Variants in INPP4B observed in about 807,000 individuals in gnomAD.
INPP4B encodes the protein inositol polyphosphate-4-phosphatase type II B.
INPP4B carries 55 observed loss-of-function variants against 122.5 expected under a neutral mutation model. The observed-to-expected ratio is 0.45, with a 90% CI of 0.36 to 0.56. The LOEUF (loss-of-function observed/expected upper bound fraction) is 0.56, where lower values mean the gene tolerates loss of function less well. Ranked by LOEUF, INPP4B falls within the 20% of genes least tolerant of loss-of-function variation. The probability of loss-of-function intolerance (pLI) is 0.00; values close to 1 mark genes in which losing one functional copy is unlikely to be tolerated. For missense variants in INPP4B, 1,000 were observed against 1,097.7 expected (o/e 0.91, Z 1.26); for synonymous variants, 403 against 388.7 (o/e 1.04, Z -0.43).
At chr4:142,266,349 T>C (rs1158468064) in intron 10 of INPP4B, among the ~76,000 whole-genome samples, 2 of 152,028 alleles carry the variant, frequency 1.3e-5, no homozygotes, top group African/African-American at 4.8e-5. Flanking sequence ...AAAATATTTT[T>C]ATAATGTGGG....
At chr4:142,507,154 C>A (rs1354532081) in intron 2 of INPP4B, among the ~76,000 whole-genome samples, 1 of 152,132 alleles carries the variant, frequency 6.6e-6, no homozygotes, top group Admixed American at 6.5e-5. Context: ...GCCCATTGAT[C>A]ATACAGTATT....
intron 2 of INPP4B, among the ~76,000 whole-genome samples, chr4:142,493,245 T>TCTGCTAGGGCATGGAGAACCC (rs1822105921): frequency 6.6e-6 from 1 of 152,190 alleles, no homozygotes; most frequent in Admixed American, 6.5e-5. Flanking sequence ...ATGGAGAACC[T>TCTGCTAGGGCATGGAGAACCC]CTGCTAGGGC....
chr4:142,143,247 A>G (rs1808783950), intron 18 of INPP4B, among the ~76,000 whole-genome samples: 1 of 152,102 alleles, frequency 6.6e-6, no homozygotes, highest in East Asian at 1.9e-4. Context: ...AGACAACTGT[A>G]TGTTCTTCAA....
At chr4:142,222,935 T>C (rs76430918) in intron 12 of INPP4B, among the ~76,000 whole-genome samples, 5,229 of 152,328 alleles carry the variant, frequency 0.034, 294 homozygotes, top group African/African-American at 0.12. Flanking sequence ...TTTTACCATG[T>C]ATATGGTTCT....
intron 3 of INPP4B, among the ~76,000 whole-genome samples, chr4:142,448,259 C>A (rs146972494): frequency 6.7e-6 from 1 of 149,422 alleles, no homozygotes; most frequent in South Asian, 2.1e-4. Flanking sequence ...ACACCTATGG[C>A]CCTTGTTTTG....
Position 142,389,251 on chromosome 4 carries a change from GA to G in INPP4B, c.372+13686del, listed in dbSNP as rs199976631. ...TGTGACAGAGCAAGACTCCATCTCA[GA>G]AAAAAAAAAAAAAAAAGAAACTTAG... On this transcript the variant is annotated intron_variant, in intron 7 of 25. Coordinates refer to ENST00000262992, the MANE Select transcript of INPP4B (RefSeq NM_001101669.3). 9.5e-3 allele frequency among the ~76,000 whole-genome samples: 847 copies of G among 89,502 alleles called. 2 individuals are homozygous for G. Among genetic ancestry groups the G allele is most frequent in the African/African-American group, 0.021 (613 of 29,654 alleles). 58.7% of individuals were successfully genotyped at this position (89,502 alleles called of 152,430 possible).
chr4:142,606,533 T>A (rs1254648875), intron 2 of INPP4B, among the ~76,000 whole-genome samples: 1 of 151,908 alleles, frequency 6.6e-6, no homozygotes, highest in Non-Finnish European at 1.5e-5. Context: ...ATGTGTAAAT[T>A]TTTATATATC....
intron 18 of INPP4B, among the ~76,000 whole-genome samples, chr4:142,137,774 C>A (rs1028810014): frequency 4.6e-5 from 7 of 151,446 alleles, no homozygotes; most frequent in Non-Finnish European, 7.4e-5. Flanking sequence ...AGCCAAAAAA[C>A]ACATGAAAAA....
chr4:142,175,936 G>A (rs1268546758), intron 15 of INPP4B, among the ~76,000 whole-genome samples: 1 of 152,018 alleles, frequency 6.6e-6, no homozygotes, highest in Non-Finnish European at 1.5e-5. Flanking sequence ...ACCCAATGCA[G>A]AGTCATGTGG....
At chr4:142,345,558 C>T (rs1220455768) in intron 7 of INPP4B, among the ~76,000 whole-genome samples, 1 of 151,926 alleles carries the variant, frequency 6.6e-6, no homozygotes, top group Non-Finnish European at 1.5e-5. Context: ...GGGAATAGTA[C>T]ACATGGACAC....
intron 25 of INPP4B, among the ~76,000 whole-genome samples, chr4:142,036,290 C>T (rs1434589202): frequency 6.6e-6 from 1 of 152,070 alleles, no homozygotes; most frequent in South Asian, 2.1e-4. Context: ...ATCTTGATTC[C>T]TTTTCAATGT....
At chr4:142,843,390 T>C (rs1783797253) in intron 1 of INPP4B, among the ~76,000 whole-genome samples, 2 of 151,952 alleles carry the variant, frequency 1.3e-5, no homozygotes, top group Non-Finnish European at 2.9e-5. Flanking sequence ...ATTAACAAAG[T>C]GGCCTATGGA....
chr4:142,614,335 A>G (rs1312605008), intron 2 of INPP4B, among the ~76,000 whole-genome samples: 4 of 152,210 alleles, frequency 2.6e-5, no homozygotes, highest in African/African-American at 7.2e-5. Context: ...GGAAAATTTG[A>G]TAATCATATA....
At chr4:142,840,866 G>A (rs546338646) in intron 1 of INPP4B, among the ~76,000 whole-genome samples, 56 of 151,944 alleles carry the variant, frequency 3.7e-4, no homozygotes, top group African/African-American at 1.3e-3. Flanking sequence ...GAATGCTATT[G>A]GAGATAAATG....
chr4:142,234,253 T>A (rs1214469617), intron 12 of INPP4B, among the ~76,000 whole-genome samples: 1 of 152,220 alleles, frequency 6.6e-6, no homozygotes, highest in South Asian at 2.1e-4. Flanking sequence ...TACACCTTTC[T>A]TTAGCATTTA....
chr4:142,716,642 T>C (rs1438400971), intron 2 of INPP4B, among the ~76,000 whole-genome samples: 2 of 152,222 alleles, frequency 1.3e-5, no homozygotes, highest in Non-Finnish European at 2.9e-5. Flanking sequence ...AATCACTGGA[T>C]CCTGAAAGGT....
At chr4:142,314,828 G>T (rs1278971447) in intron 7 of INPP4B, 66 bp from the exon 8 acceptor site, 5 of 1,320,536 alleles carry the variant, frequency 3.8e-6, no homozygotes, top group Non-Finnish European at 5.3e-6. Flanking sequence ...TCGCACAGGT[G>T]CTGGGTTTCA....
intron 2 of INPP4B, among the ~76,000 whole-genome samples, chr4:142,520,090 A>G (rs995257430): frequency 6.6e-6 from 1 of 152,086 alleles, no homozygotes; most frequent in African/African-American, 2.4e-5. Flanking sequence ...TCAACTCTAT[A>G]CAAATTATAT....
chr4:142,176,118 TTTATTATTA>T (rs146074826), intron 15 of INPP4B, among the ~76,000 whole-genome samples: 34 of 137,618 alleles, frequency 2.5e-4, no homozygotes, highest in African/African-American at 6.4e-4. Flanking sequence ...ACTGCTTTCT[TTTATTATTA>T]TTATTATTAT....
Sources: gnomAD v4.1 joint callset for allele counts (sites outside exome capture counted in the v4.1 genomes callset) on GRCh38, gnomAD v4.1.1 for gene constraint, MANE v1.5 for transcripts, NCBI Gene and HGNC (gene_info 2026-07-23, HGNC 2026-07-21) for gene names.